The following RERE variants were observed in gnomAD, a reference collection of about 807,000 sequenced individuals.
RERE encodes arginine-glutamic acid dipeptide repeats protein.
RERE carries 40 observed loss-of-function variants against 146.1 expected under a neutral mutation model. That is an observed-to-expected ratio of 0.27 (90% CI 0.21 to 0.36). The LOEUF (loss-of-function observed/expected upper bound fraction) is 0.36. Ranked by LOEUF, RERE falls within the 10% of genes least tolerant of loss-of-function variation. RERE has a pLI of 1.00. For synonymous variants in RERE, 1,003 were observed against 866.0 expected (o/e 1.16, Z -2.78); for missense variants, 1,933 against 2,138.7 (o/e 0.90, Z 1.90).
chr1:8,605,215 C>CGTG (rs1270830339), intron 4 of RERE, among the ~76,000 whole-genome samples: 1 of 152,168 alleles, frequency 6.6e-6, no homozygotes, highest in Admixed American at 6.5e-5. Flanking sequence ...TCACTGCAAC[C>CGTG]TCCACCTCCC....
chr1:8,608,321 A>G (rs1056341476), intron 4 of RERE, among the ~76,000 whole-genome samples: 5 of 152,016 alleles, frequency 3.3e-5, no homozygotes, highest in Admixed American at 1.3e-4. Flanking sequence ...TGGGCAACAT[A>G]GGGAGACCCT....
At chr1:8,532,632 T>C (rs916855802) in intron 7 of RERE, among the ~76,000 whole-genome samples, 13 of 152,088 alleles carry the variant, frequency 8.5e-5, no homozygotes, top group Admixed American at 5.2e-4. Flanking sequence ...TTTGCTCTTG[T>C]TGCCCAGGCT....
chr1:8,574,430 C>A (rs1008638776), intron 4 of RERE, among the ~76,000 whole-genome samples: 1 of 148,710 alleles, frequency 6.7e-6, no homozygotes, highest in Non-Finnish European at 1.5e-5. Flanking sequence ...CTGCAAGCTC[C>A]GCCTCTCGGG....
At chr1:8,646,188 T>C (rs968112702) in intron 2 of RERE, among the ~76,000 whole-genome samples, 1 of 151,962 alleles carries the variant, frequency 6.6e-6, no homozygotes, top group Admixed American at 6.6e-5. Context: ...TTCCCAAAAT[T>C]CGTATGTTGA....
In RERE at chr1:8,362,667, C is replaced by T; in HGVS notation, c.1902+16G>A. 6.2e-7 allele frequency: 1 copy of T among 1,613,928 alleles called. No individual in the cohort carries two copies. The highest frequency in any genetic ancestry group is 1.1e-5 in the South Asian group (1 of 91,064). ...GGAGGGACAGAGTAGGCCCTACTATCCCCCCAGCACCTGACCTTGGCCGAC... is the reference window on the plus strand; with the variant it reads ...GGAGGGACAGAGTAGGCCCTACTATTCCCCCAGCACCTGACCTTGGCCGAC... On this transcript the variant is annotated intron_variant, in intron 16 of 22. Coordinates refer to ENST00000400908, the MANE Select transcript of RERE (RefSeq NM_001042681.2).
At chr1:8,782,906 A>G (rs1641191132) in intron 1 of RERE, among the ~76,000 whole-genome samples, 2 of 152,086 alleles carry the variant, frequency 1.3e-5, no homozygotes, top group Non-Finnish European at 2.9e-5. Flanking sequence ...ACTCCATCTT[A>G]AAAAACAAAC....
intron 1 of RERE, among the ~76,000 whole-genome samples, chr1:8,674,947 G>C (rs1294375900): frequency 6.6e-6 from 1 of 152,172 alleles, no homozygotes; most frequent in Non-Finnish European, 1.5e-5. Context: ...TGCAACCTGG[G>C]AGGCTGAAAT....
intron 1 of RERE, among the ~76,000 whole-genome samples, chr1:8,813,008 A>T (rs935083954): frequency 2.2e-4 from 34 of 152,174 alleles, no homozygotes; most frequent in African/African-American, 8.2e-4. Flanking sequence ...CATAAGCCAA[A>T]AGGCTCGGCA....
chr1:8,577,049 G>C (rs1301640185), intron 4 of RERE, among the ~76,000 whole-genome samples: 1 of 151,830 alleles, frequency 6.6e-6, no homozygotes, highest in African/African-American at 2.4e-5. Context: ...GGCGCCTGTA[G>C]TCCCAGCTAC....
At chr1:8,627,723 ACACAC>A (rs1283127209) in intron 2 of RERE, among the ~76,000 whole-genome samples, 4 of 152,198 alleles carry the variant, frequency 2.6e-5, no homozygotes, top group African/African-American at 9.7e-5. Flanking sequence ...GATCATTACT[ACACAC>A]CATCTTACTG....
chr1:8,620,954 CAGTT>C (rs1280757428), intron 3 of RERE, among the ~76,000 whole-genome samples: 2 of 151,986 alleles, frequency 1.3e-5, no homozygotes, highest in East Asian at 1.9e-4. Flanking sequence ...AACCTCAGCT[CAGTT>C]AGGAACTTAA....
At chr1:8,802,891 T>G (rs911105566) in intron 1 of RERE, among the ~76,000 whole-genome samples, 5 of 152,176 alleles carry the variant, frequency 3.3e-5, no homozygotes, top group Non-Finnish European at 1.5e-5. Context: ...ACAAACGCTA[T>G]GTAAGAAAAG....
At position 8,362,551 on chromosome 1, in the gene RERE, T is replaced by C. The variant is rs1244366936; in HGVS notation, c.1902+132A>G. The stretch of plus-strand genomic sequence containing the variant: ...GTCTGCAGCCCCTAGGCCAGGACAA[T>C]GCTGGTGTCCAGACAGGCTCCATGA... On this transcript the variant is annotated intron_variant, in intron 16 of 22. Coordinates refer to ENST00000400908, the MANE Select transcript of RERE (RefSeq NM_001042681.2). The C allele has an allele frequency of 4.1e-6, 5 of 1,224,000 alleles. No homozygotes were observed. The African/African-American group carries it at 4.5e-5, about 11-fold the overall frequency. The allele number at this position is 1,224,000 out of a possible 1,614,324, so 75.8% of individuals were successfully genotyped here.
At chr1:8,357,091 C>T (rs1432149989) in intron 20 of RERE, among the ~76,000 whole-genome samples, 1 of 152,192 alleles carries the variant, frequency 6.6e-6, no homozygotes, top group Non-Finnish European at 1.5e-5. Flanking sequence ...TATTTTTTTC[C>T]AGAACATATA....
At chr1:8,432,135 C>T (rs1644103979) in intron 11 of RERE, among the ~76,000 whole-genome samples, 1 of 152,160 alleles carries the variant, frequency 6.6e-6, no homozygotes, top group African/African-American at 2.4e-5. Context: ...TATTTGAAGA[C>T]CTGTGACAAT....
chr1:8,632,895 T>C (rs1384563562), intron 2 of RERE, among the ~76,000 whole-genome samples: 1 of 152,248 alleles, frequency 6.6e-6, no homozygotes. Flanking sequence ...AAAGATGTTC[T>C]ACTAATACGG....
At chr1:8,788,547 T>C (rs2124570454) in intron 1 of RERE, among the ~76,000 whole-genome samples, 1 of 152,150 alleles carries the variant, frequency 6.6e-6, no homozygotes, top group East Asian at 1.9e-4. Context: ...GTATTTTTAG[T>C]AGAGATGGGA....
intron 19 of RERE, 139 bp downstream of exon 19, chr1:8,359,623 CAG>C (rs1287399984): frequency 6.5e-6 from 6 of 916,966 alleles, no homozygotes; most frequent in Admixed American, 2.0e-5. Flanking sequence ...GGTGTGGAGA[CAG>C]GGTGTAAATA....
intron 1 of RERE, among the ~76,000 whole-genome samples, chr1:8,718,952 G>A (rs1304541792): frequency 3.3e-5 from 5 of 152,098 alleles, no homozygotes; most frequent in Non-Finnish European, 7.3e-5. Flanking sequence ...CTCTGTCATC[G>A]ACTTATTGTA....
Sources: gnomAD v4.1 joint callset for allele counts (sites outside exome capture counted in the v4.1 genomes callset) on GRCh38, gnomAD v4.1.1 for gene constraint, MANE v1.5 for transcripts, NCBI Gene and HGNC (gene_info 2026-07-23, HGNC 2026-07-21) for gene names.